The following ZBTB41 variants were observed in gnomAD, a reference collection of about 807,000 sequenced individuals.
ZBTB41 encodes the protein zinc finger and BTB domain containing 41.
A neutral mutation model predicts 87.6 loss-of-function variants in ZBTB41; 42 were observed. That is an observed-to-expected ratio of 0.48 (90% CI 0.37 to 0.62). ZBTB41 has a LOEUF of 0.62. Ranked by LOEUF, ZBTB41 falls within the 20% of genes least tolerant of loss-of-function variation. The pLI, the probability that ZBTB41 is intolerant of heterozygous loss-of-function variation, is 0.00. For synonymous variants in ZBTB41, 364 were observed against 364.0 expected (o/e 1.00, Z 0.00); for missense variants, 799 against 1,078.9 (o/e 0.74, Z 3.63).
At position 197,155,704 on chromosome 1, in the gene ZBTB41, G is replaced by C. The variant is rs1489024255; in HGVS notation, c.*3655C>G. 6.6e-6 allele frequency: 1 copy of C among 152,294 alleles called. No homozygotes were observed. The highest frequency in any genetic ancestry group is 1.5e-5 in the Non-Finnish European group (1 of 67,814). 9.4% of individuals were successfully genotyped at this position (152,294 alleles called of 1,614,324 possible). ...ACAAAGATGCTTTGACACTTTTTAA[G>C]GTTGATAGAAAATTATTAGTGTACC... On this transcript the variant is annotated 3_prime_UTR_variant, in exon 11 of 11. Coordinates refer to ENST00000367405, the MANE Select transcript of ZBTB41 (RefSeq NM_194314.3).
chr1:197,163,213 A>G (rs1420863214), intron 10 of ZBTB41, among the ~76,000 whole-genome samples: 2 of 152,172 alleles, frequency 1.3e-5, no homozygotes, highest in African/African-American at 2.4e-5. Flanking sequence ...TGTGAGAAAA[A>G]ATTTAAATCT....
intron 10 of ZBTB41, among the ~76,000 whole-genome samples, chr1:197,160,545 C>A (rs1285819518): frequency 1.3e-5 from 2 of 152,100 alleles, no homozygotes; most frequent in African/African-American, 2.4e-5. Context: ...TATCTCTAGC[C>A]TGAGGTCAAA....
Position 197,199,998 on chromosome 1 carries a change from A to G in ZBTB41, c.476T>C (p.Leu159Ser). 1 of 1,613,422 alleles carries G rather than the reference A, an allele frequency of 6.2e-7. No individual in the cohort carries two copies. Among genetic ancestry groups the G allele is most frequent in the Non-Finnish European group, 8.5e-7 (1 of 1,179,872 alleles). The change falls in exon 2 of 11, where the codon TTA (leucine) becomes TCA (serine). Residue 159 changes from leucine to serine, a missense_variant. Coordinates refer to ENST00000367405, the MANE Select transcript of ZBTB41 (RefSeq NM_194314.3). ...AATGTCCAAAAATTTTGCAGCCTCT[A>G]AAACAAGAGGTATTTCATATTTGTA... ...FVYKYEIPLV[L>S]EAAKFLDIID...
chr1:197,178,293 G>A (rs975070955), intron 7 of ZBTB41, 124 bp downstream of exon 7: 3 of 528,274 alleles, frequency 5.7e-6, no homozygotes, highest in Non-Finnish European at 9.2e-6. Context: ...TAAAGTTTTT[G>A]CACAACTTTG....
chr1:197,171,357 T>C (rs1171237539), intron 10 of ZBTB41, among the ~76,000 whole-genome samples: 1 of 152,068 alleles, frequency 6.6e-6, no homozygotes, highest in Non-Finnish European at 1.5e-5. Flanking sequence ...TTGCTAATAA[T>C]ATTGCCCAAA....
At position 197,199,550 on chromosome 1, in the gene ZBTB41, C is replaced by G. The variant is rs760138970; in HGVS notation, c.924G>C (p.Glu308Asp). Residue 308 changes from glutamate (E) to aspartate (D), a missense_variant, in exon 2 of 11, where the codon GAG (glutamate) becomes GAC (aspartate). Coordinates refer to ENST00000367405, the MANE Select transcript of ZBTB41 (RefSeq NM_194314.3). ...PGSEYNAEEDELEEEMSDEYS... is the reference protein window; with the variant it reads ...PGSEYNAEEDDLEEEMSDEYS... ...ACTCATCTGACATCTCCTCCTCTAG[C>G]TCATCTTCTTCAGCATTATATTCAC... 1 of 1,607,914 alleles carries G rather than the reference C, an allele frequency of 6.2e-7. No individual in the cohort carries two copies. The highest frequency in any genetic ancestry group is 8.5e-7 in the Non-Finnish European group (1 of 1,178,146).
At chr1:197,179,832 A>G (rs1328168694) in intron 6 of ZBTB41, among the ~76,000 whole-genome samples, 2 of 152,132 alleles carry the variant, frequency 1.3e-5, no homozygotes, top group Non-Finnish European at 2.9e-5. Context: ...CAGCTGTACA[A>G]TGTGTGTTTT....
chr1:197,190,574 C>T (rs955197162), intron 4 of ZBTB41, among the ~76,000 whole-genome samples, 188 bp downstream of exon 4: 5 of 152,026 alleles, frequency 3.3e-5, no homozygotes. Context: ...CTGTTTAGGT[C>T]CATCATCTAA....
In ZBTB41 at chr1:197,201,273, G is replaced by A. The variant is rs1652795527; in HGVS notation, c.-168C>T. On this transcript the variant is annotated 5_prime_UTR_variant, in exon 1 of 11. Transcript: ENST00000367405. ...CTCCCAGCAGCTGAGCTCCACTCTG[G>A]GCGCGCTCGCTCCTGCGCCTACCCA... Among the ~76,000 whole-genome samples the A allele has an allele frequency of 1.3e-5, 2 of 152,104 alleles. No homozygotes were observed. The highest frequency in any genetic ancestry group is 1.3e-4 in the Admixed American group (2 of 15,276).
At chr1:197,160,561 AAG>A (rs1323811382) in intron 10 of ZBTB41, among the ~76,000 whole-genome samples, 3 of 152,148 alleles carry the variant, frequency 2.0e-5, no homozygotes, top group African/African-American at 2.4e-5. Flanking sequence ...TCAAAATAAG[AAG>A]AGTTGTTCAG....
In ZBTB41 at chr1:197,199,817, T is replaced by C. The variant is rs767801863; in HGVS notation, c.657A>G (p.Lys219=). The C allele has an allele frequency of 6.2e-7, 1 of 1,610,794 alleles. No homozygotes were observed. Among genetic ancestry groups the C allele is most frequent in the Non-Finnish European group, 8.5e-7 (1 of 1,178,936 alleles). ...TAGCCAAATGATTCTCTAAAGACTTTTTATAACAAAAATGTCTACTACAGA... is the reference window on the plus strand; with the variant it reads ...TAGCCAAATGATTCTCTAAAGACTTCTTATAACAAAAATGTCTACTACAGA... The part of the protein sequence containing the change: ...CKFCSRHFCY[K]KSLENHLAKT... Residue 219 remains lysine (K), a synonymous_variant, in exon 2 of 11, where the codon AAA becomes AAG. Coordinates refer to ENST00000367405, the MANE Select transcript of ZBTB41 (RefSeq NM_194314.3).
At position 197,159,977 on chromosome 1, in the gene ZBTB41, A is replaced by C. The variant is rs1223205395; in HGVS notation, c.2112T>G (p.Ser704=). The C allele has an allele frequency of 3.1e-6, 5 of 1,613,306 alleles. No homozygotes were observed. The highest frequency in any genetic ancestry group is 4.2e-6 in the Non-Finnish European group (5 of 1,179,536). Residue 704 remains serine (S), a synonymous_variant, in exon 11 of 11, where the codon TCT becomes TCG. Coordinates refer to ENST00000367405, the MANE Select transcript of ZBTB41 (RefSeq NM_194314.3). ...TTGTTAATGTTTTCTTAATTCTAAA[A>C]GACTGATTGCAAATTTGACACTTGT... ...KPYKCQICNQ[S]FRIKKTLTKH...
Position 197,153,793 on chromosome 1 carries a change from A to T in ZBTB41, c.*5566T>A, listed in dbSNP as rs1658999073. 6.6e-6 allele frequency: 1 copy of T among 152,194 alleles called. No homozygotes were observed. Among genetic ancestry groups the T allele is most frequent in the African/African-American group, 2.4e-5 (1 of 41,458 alleles). 9.4% of individuals were successfully genotyped at this position (152,194 alleles called of 1,614,324 possible). ...CAGAGAACTGAAATTTTCTATAAAG[A>T]CATTTATACTTAGGAAACATCAGAC... On this transcript the variant is annotated 3_prime_UTR_variant, in exon 11 of 11. Coordinates refer to ENST00000367405, the MANE Select transcript of ZBTB41 (RefSeq NM_194314.3).
rs534704173 is a variant in ZBTB41, at chr1:197,174,907, T to G, written c.1985+103A>C. The G allele has an allele frequency of 1.9e-5, 14 of 754,064 alleles. No homozygotes were observed. In the South Asian group the frequency reaches 2.9e-4, roughly 15 times the overall value. 46.7% of individuals were successfully genotyped at this position (754,064 alleles called of 1,614,324 possible). On this transcript the variant is annotated intron_variant, in intron 9 of 10. Transcript: ENST00000367405. The stretch of plus-strand genomic sequence containing the variant: ...GCTACAGAATGTAGAGAAAGAGAAC[T>G]GGTTAACCTAACTTCAATTAAACAA...
chr1:197,194,633 A>G (rs577483069), intron 2 of ZBTB41, among the ~76,000 whole-genome samples: 2 of 113,366 alleles, frequency 1.8e-5, no homozygotes, highest in Admixed American at 9.1e-5. Flanking sequence ...AAAAAAAAAA[A>G]GAAGAAGAAG....
At position 197,178,875 on chromosome 1, in the gene ZBTB41, C is replaced by T. The variant is rs115601742; in HGVS notation, c.1677-363G>A. ...ATAATATTTAAGTAATCCAGTTTAT[C>T]AGTACTATTTCTTCCAAATATGTGC... On this transcript the variant is annotated intron_variant, in intron 6 of 10. Coordinates refer to ENST00000367405, the MANE Select transcript of ZBTB41 (RefSeq NM_194314.3). Among the ~76,000 whole-genome samples, 1,154 of 152,186 alleles carry T rather than the reference C, an allele frequency of 7.6e-3. 8 individuals carry two copies. The highest frequency in any genetic ancestry group is 0.025 in the African/African-American group (1,045 of 41,518).
chr1:197,186,020 A>G (rs1330278087), intron 5 of ZBTB41, among the ~76,000 whole-genome samples: 2 of 152,112 alleles, frequency 1.3e-5, no homozygotes, highest in Admixed American at 6.6e-5. Flanking sequence ...CCAACACAAC[A>G]CTGAAGGAGA....
At chr1:197,184,972 G>A (rs1213861295) in intron 5 of ZBTB41, among the ~76,000 whole-genome samples, 10 of 151,868 alleles carry the variant, frequency 6.6e-5, no homozygotes, top group South Asian at 2.1e-4. Flanking sequence ...CCGCCACCAC[G>A]CCCAGCTAAT....
At chr1:197,168,985 A>G (rs763527745) in intron 10 of ZBTB41, among the ~76,000 whole-genome samples, 5 of 152,100 alleles carry the variant, frequency 3.3e-5, no homozygotes, top group Non-Finnish European at 7.4e-5. Flanking sequence ...AAGAACAGGT[A>G]TTCAACATCA....
Sources: gnomAD v4.1 joint callset for allele counts (sites outside exome capture counted in the v4.1 genomes callset) on GRCh38, gnomAD v4.1.1 for gene constraint, MANE v1.5 for transcripts, NCBI Gene and HGNC (gene_info 2026-07-23, HGNC 2026-07-21) for gene names.